GRIK1: variants seen among roughly 807,000 people sequenced by gnomAD.
GRIK1 encodes glutamate receptor ionotropic, kainate 1.
Under a neutral mutation model 105.7 loss-of-function variants are expected in GRIK1, and 69 were observed. That is an observed-to-expected ratio of 0.65 (90% CI 0.54 to 0.80). The LOEUF is 0.80. Ranked by LOEUF, GRIK1 falls within the 30% of genes least tolerant of loss-of-function variation. The pLI, the probability that GRIK1 is intolerant of heterozygous loss-of-function variation, is 0.00. For missense variants in GRIK1, 1,109 were observed against 1,167.3 expected, an observed-to-expected ratio of 0.95 and a Z score of 0.73; for synonymous variants, 438 against 431.3, an observed-to-expected ratio of 1.02 and a Z score of -0.19.
chr21:29,909,804 C>T (rs933760768), intron 1 of GRIK1, among the ~76,000 whole-genome samples: 2 of 152,072 alleles, frequency 1.3e-5, no homozygotes, highest in East Asian at 3.9e-4. Flanking sequence ...AGAGCCTGGG[C>T]GTCTGGGAAT....
chr21:29,786,905 T>TTA (rs1443489080), intron 1 of GRIK1, among the ~76,000 whole-genome samples: 1 of 152,212 alleles, frequency 6.6e-6, no homozygotes, highest in East Asian at 1.9e-4. Context: ...ATGGATAGCC[T>TTA]TGCTTTGAAT....
intron 1 of GRIK1, among the ~76,000 whole-genome samples, chr21:29,936,056 A>T (rs924086400): frequency 6.6e-6 from 1 of 152,248 alleles, no homozygotes; most frequent in Non-Finnish European, 1.5e-5. Flanking sequence ...AATTCAATTT[A>T]TCAGATGCAA....
Position 29,726,590 on chromosome 21 carries a change from T to TA in GRIK1, c.119-32528dup, listed in dbSNP as rs571023466. On this transcript the variant is annotated intron_variant, in intron 1 of 17. Transcript: ENST00000327783. ...TGAGTGTATATTTTCAAAACATTGTTAAGCTCTCTATATAGTTTTATATAA... is the reference window on the plus strand; with the variant it reads ...TGAGTGTATATTTTCAAAACATTGTTAAAGCTCTCTATATAGTTTTATATAA... Among the ~76,000 whole-genome samples, 113 of 152,268 alleles carry TA rather than the reference T, an allele frequency of 7.4e-4. 1 individual carries two copies. Among genetic ancestry groups the TA allele is most frequent in the African/African-American group, 2.4e-3 (100 of 41,582 alleles).
rs1488625533 is a variant in GRIK1, at chr21:29,601,338, G to C, written c.1099-2401C>G. The C allele has an allele frequency of 9.4e-5, 38 of 404,314 alleles. 1 individual carries two copies. The highest frequency in any genetic ancestry group is 6.4e-4 in the South Asian group (36 of 55,920). The allele number at this position is 404,314 out of a possible 1,614,324, so 25.0% of individuals were successfully genotyped here. On this transcript the variant is annotated intron_variant, in intron 7 of 17. Coordinates refer to ENST00000327783, the MANE Select transcript of GRIK1 (RefSeq NM_001330994.2). ...TAGACTTACACCAGCCAGCTTTCCA[G>C]GGTCTCTAGTTTGCAGATGGTAGAA... is the stretch of plus-strand genomic sequence containing the variant.
chr21:29,912,828 C>T (rs1001932819), intron 1 of GRIK1, among the ~76,000 whole-genome samples: 10 of 151,892 alleles, frequency 6.6e-5, no homozygotes, highest in South Asian at 6.2e-4. Context: ...AGTTCATTCC[C>T]GAAGGTTTTA....
chr21:29,915,260 A>T (rs1280085882), intron 1 of GRIK1, among the ~76,000 whole-genome samples: 1 of 151,986 alleles, frequency 6.6e-6, no homozygotes. Flanking sequence ...ATCTGTGTCC[A>T]GTGCTCAGAG....
intron 14 of GRIK1, among the ~76,000 whole-genome samples, chr21:29,563,663 G>A (rs1568821502): frequency 1.3e-5 from 2 of 152,226 alleles, no homozygotes; most frequent in Non-Finnish European, 2.9e-5. Flanking sequence ...AGAAAGGTCA[G>A]TCTATCTTGT....
intron 9 of GRIK1, among the ~76,000 whole-genome samples, chr21:29,595,030 G>A (rs1194428387): frequency 3.3e-5 from 5 of 152,096 alleles, no homozygotes; most frequent in Admixed American, 2.0e-4. Flanking sequence ...TGAGTGGGTC[G>A]CCTGTGCTAG....
intron 1 of GRIK1, among the ~76,000 whole-genome samples, chr21:29,705,662 C>T (rs2063890866): frequency 1.3e-5 from 2 of 152,102 alleles, no homozygotes; most frequent in African/African-American, 4.8e-5. Flanking sequence ...TACTTTGTAT[C>T]TAATTCATAT....
rs895698971 is a variant in GRIK1, at chr21:29,781,759, T to C, written c.119-87696A>G. On this transcript the variant is annotated intron_variant, in intron 1 of 17. Transcript: ENST00000327783. ...AATCTCGGCTCACTGCAAGCTCCGC[T>C]TCCCGGGTTCACGCCATTCTCCTGC... Among the ~76,000 whole-genome samples the C allele has an allele frequency of 1.1e-4, 14 of 124,894 alleles. No individual in the cohort carries two copies. The East Asian group carries it at 1.1e-3, about 10-fold the overall frequency. The allele number at this position is 124,894 out of a possible 152,430, so 81.9% of individuals were successfully genotyped here.
At chr21:29,885,432 T>C (rs1018550955) in intron 1 of GRIK1, among the ~76,000 whole-genome samples, 2 of 152,080 alleles carry the variant, frequency 1.3e-5, no homozygotes, top group African/African-American at 4.8e-5. Context: ...ATAAATTCCT[T>C]CCTAGAGATC....
intron 1 of GRIK1, among the ~76,000 whole-genome samples, chr21:29,899,388 G>GT (rs1346846850): frequency 2.6e-5 from 4 of 152,154 alleles, no homozygotes; most frequent in Non-Finnish European, 5.9e-5. Context: ...GCCTATGCAG[G>GT]TTTGTCTGAC....
At chr21:29,789,688 A>AT (rs2066359429) in intron 1 of GRIK1, among the ~76,000 whole-genome samples, 1 of 152,076 alleles carries the variant, frequency 6.6e-6, no homozygotes. Flanking sequence ...TAAAGTCTCT[A>AT]TTTTCTTAAG....
chr21:29,878,014 G>A (rs934185526), intron 1 of GRIK1, among the ~76,000 whole-genome samples: 2 of 152,152 alleles, frequency 1.3e-5, no homozygotes, highest in Admixed American at 6.5e-5. Context: ...GAGGCACTAT[G>A]GGAAGAGTTT....
chr21:29,799,056 T>A (rs2066633289), intron 1 of GRIK1, among the ~76,000 whole-genome samples: 1 of 152,208 alleles, frequency 6.6e-6, no homozygotes, highest in Non-Finnish European at 1.5e-5. Context: ...CCTGGAATTG[T>A]CACATTCCAA....
At chr21:29,654,639 GAAAGAAAA>G (rs1568937902) in intron 5 of GRIK1, among the ~76,000 whole-genome samples, 163 bp downstream of exon 5, 2 of 122,376 alleles carry the variant, frequency 1.6e-5, no homozygotes, top group African/African-American at 4.0e-5. Flanking sequence ...GAGAAAGAAA[GAAAGAAAA>G]AAAGCCTGCT....
At chr21:29,544,061 T>G (rs1448175390) in intron 16 of GRIK1, among the ~76,000 whole-genome samples, 1 of 152,182 alleles carries the variant, frequency 6.6e-6, no homozygotes, top group African/African-American at 2.4e-5. Flanking sequence ...GATCCTAGAT[T>G]TAAGTTTCTC....
At chr21:29,696,114 G>A (rs760240888) in intron 1 of GRIK1, among the ~76,000 whole-genome samples, 5 of 152,170 alleles carry the variant, frequency 3.3e-5, no homozygotes, top group Non-Finnish European at 7.3e-5. Context: ...ACTAACTACA[G>A]TGTTGGGTTG....
intron 1 of GRIK1, among the ~76,000 whole-genome samples, chr21:29,811,773 C>T (rs1479671543): frequency 6.6e-6 from 1 of 152,176 alleles, no homozygotes. Context: ...TTATCTTCCA[C>T]CTTCATTATA....
Sources: allele counts gnomAD v4.1 joint callset (sites outside exome capture counted in the v4.1 genomes callset), GRCh38; gene constraint gnomAD v4.1.1; transcripts MANE v1.5; gene names NCBI Gene and HGNC (gene_info 2026-07-23, HGNC 2026-07-21).